Variants in CLYBL observed in about 807,000 individuals in gnomAD.
The protein encoded by CLYBL is citramalyl-CoA lyase.
A neutral mutation model predicts 38.9 loss-of-function variants in CLYBL; 31 were observed. The ratio of observed to expected loss-of-function variants is 0.80; its 90% CI spans 0.60 to 1.08. CLYBL has a LOEUF of 1.08. Among genes scored for constraint, CLYBL ranks in the 50% least tolerant of loss-of-function variants. The probability of loss-of-function intolerance (pLI) is 0.00; values close to 1 mark genes in which losing one functional copy is unlikely to be tolerated. For synonymous variants in CLYBL, 171 were observed against 158.6 expected (o/e 1.08, Z -0.59); for missense variants, 434 against 411.6 (o/e 1.05, Z -0.47).
At chr13:99,700,163 A>G (rs1019655098) in intron 1 of CLYBL, among the ~76,000 whole-genome samples, 1 of 151,554 alleles carries the variant, frequency 6.6e-6, no homozygotes, top group Non-Finnish European at 1.5e-5. Context: ...GTGTAAAAAC[A>G]GCACCAAGGC....
intron 1 of CLYBL, among the ~76,000 whole-genome samples, chr13:99,620,707 G>A (rs1456956101): frequency 6.6e-6 from 1 of 152,062 alleles, no homozygotes; most frequent in Non-Finnish European, 1.5e-5. Context: ...AACCCGGAAG[G>A]TGGAGGTTGC....
At chr13:99,755,170 T>C (rs897911289) in intron 1 of CLYBL, among the ~76,000 whole-genome samples, 1 of 152,226 alleles carries the variant, frequency 6.6e-6, no homozygotes, top group African/African-American at 2.4e-5. Context: ...GTGCTGGGAT[T>C]ACAGGCGTGA....
intron 1 of CLYBL, among the ~76,000 whole-genome samples, chr13:99,698,727 T>C (rs886130638): frequency 6.6e-6 from 1 of 152,206 alleles, no homozygotes; most frequent in Admixed American, 6.5e-5. Context: ...AAGTAAAAAT[T>C]AGAATGTGTG....
At chr13:99,846,172 A>G (rs1388343610) in intron 2 of CLYBL, among the ~76,000 whole-genome samples, 1 of 152,104 alleles carries the variant, frequency 6.6e-6, no homozygotes, top group Non-Finnish European at 1.5e-5. Context: ...AGTAAAATAA[A>G]TGATCTAAAG....
chr13:99,832,803 T>C (rs1435764918), intron 2 of CLYBL, among the ~76,000 whole-genome samples: 1 of 149,062 alleles, frequency 6.7e-6, no homozygotes, highest in Admixed American at 6.7e-5. Context: ...TGGAGGCAAA[T>C]TGAATTTGGG....
intron 3 of CLYBL, among the ~76,000 whole-genome samples, chr13:99,862,132 C>A (rs1374019109): frequency 6.6e-6 from 1 of 152,120 alleles, no homozygotes; most frequent in African/African-American, 2.4e-5. Context: ...CCTTTGATAT[C>A]TATTAATGGC....
At chr13:99,771,903 C>G (rs1328738641) in intron 1 of CLYBL, among the ~76,000 whole-genome samples, 1 of 152,184 alleles carries the variant, frequency 6.6e-6, no homozygotes, top group Non-Finnish European at 1.5e-5. Flanking sequence ...TCTCAACAAC[C>G]TACAAATTGA....
chr13:99,703,229 C>T (rs925141453), intron 1 of CLYBL, among the ~76,000 whole-genome samples: 3 of 152,190 alleles, frequency 2.0e-5, no homozygotes, highest in Admixed American at 1.3e-4. Context: ...CCAAAGCAGG[C>T]GATCAGTTGG....
intron 2 of CLYBL, among the ~76,000 whole-genome samples, chr13:99,786,668 C>T (rs752349374): frequency 1.8e-4 from 27 of 152,264 alleles, no homozygotes; most frequent in Non-Finnish European, 1.5e-4. Context: ...AATAAACATA[C>T]GTGTACATGT....
downstream of CLYBL, among the ~76,000 whole-genome samples, chr13:99,901,780 C>G (rs988161687): frequency 6.6e-6 from 1 of 151,934 alleles, no homozygotes; most frequent in African/African-American, 2.4e-5. Flanking sequence ...CTGCCTCAGC[C>G]TCCACAGTAC....
intron 1 of CLYBL, among the ~76,000 whole-genome samples, chr13:99,686,945 GATA>G (rs1555352486): frequency 2.0e-5 from 3 of 152,182 alleles, no homozygotes; most frequent in Non-Finnish European, 4.4e-5. Context: ...TAGTAACCTC[GATA>G]ATGAGAGGCT....
At chr13:99,686,239 C>T (rs1353994626) in intron 1 of CLYBL, among the ~76,000 whole-genome samples, 1 of 152,168 alleles carries the variant, frequency 6.6e-6, no homozygotes, top group Non-Finnish European at 1.5e-5. Flanking sequence ...CTGAGTTTTT[C>T]CAGGGCATAT....
intron 1 of CLYBL, among the ~76,000 whole-genome samples, chr13:99,662,875 A>G (rs1205637688): frequency 6.6e-6 from 1 of 152,180 alleles, no homozygotes; most frequent in Non-Finnish European, 1.5e-5. Context: ...TTTGTTGCTT[A>G]TATTTACTTT....
chr13:99,710,714 CT>C (rs2048217014), intron 1 of CLYBL, among the ~76,000 whole-genome samples: 1 of 152,082 alleles, frequency 6.6e-6, no homozygotes. Flanking sequence ...CATTTAGCCC[CT>C]GTCTTGGTTT....
At chr13:99,867,327 G>C (rs940131278) in intron 6 of CLYBL, among the ~76,000 whole-genome samples, 1 of 152,154 alleles carries the variant, frequency 6.6e-6, no homozygotes, top group Non-Finnish European at 1.5e-5. Context: ...AGCGGTTACC[G>C]AAAGAAAGGT....
At chr13:99,746,924 C>G (rs1256374341) in intron 1 of CLYBL, among the ~76,000 whole-genome samples, 2 of 152,184 alleles carry the variant, frequency 1.3e-5, no homozygotes, top group Non-Finnish European at 2.9e-5. Flanking sequence ...TCCAGGAGCC[C>G]CTGCTAGAAG....
At chr13:99,708,421 T>C (rs1204884618) in intron 1 of CLYBL, among the ~76,000 whole-genome samples, 1 of 152,212 alleles carries the variant, frequency 6.6e-6, no homozygotes, top group African/African-American at 2.4e-5. Flanking sequence ...ATTGATTTTG[T>C]TAAAAAGATA....
At chr13:99,732,260 C>T (rs2048605316) in intron 1 of CLYBL, among the ~76,000 whole-genome samples, 1 of 146,662 alleles carries the variant, frequency 6.8e-6, no homozygotes, top group African/African-American at 2.5e-5. Flanking sequence ...CGATTCACTG[C>T]AGCCTCAACC....
intron 1 of CLYBL, among the ~76,000 whole-genome samples, chr13:99,720,565 G>T (rs992492003): frequency 6.6e-6 from 1 of 152,118 alleles, no homozygotes; most frequent in African/African-American, 2.4e-5. Context: ...TCTAACAATA[G>T]TAACTTTCTT....
Sources: allele counts gnomAD v4.1 joint callset (sites outside exome capture counted in the v4.1 genomes callset), GRCh38; gene constraint gnomAD v4.1.1; transcripts MANE v1.5; gene names NCBI Gene and HGNC (gene_info 2026-07-23, HGNC 2026-07-21).